Variants in KIF6 observed in about 807,000 individuals in gnomAD.
The protein encoded by KIF6 is kinesin-like protein KIF6.
Under a neutral mutation model 112.7 loss-of-function variants are expected in KIF6, and 106 were observed. That is an observed-to-expected ratio of 0.94 (90% CI 0.80 to 1.11). The LOEUF (loss-of-function observed/expected upper bound fraction) is 1.11, where lower values mean the gene tolerates loss of function less well. KIF6 is among the 50% of genes least tolerant of loss of function. The pLI, the probability that KIF6 is intolerant of heterozygous loss-of-function variation, is 0.00. For missense variants in KIF6, 929 were observed against 964.0 expected, an observed-to-expected ratio of 0.96 and a Z score of 0.48; for synonymous variants, 339 against 339.9, an observed-to-expected ratio of 1.00 and a Z score of 0.03.
intron 3 of KIF6, among the ~76,000 whole-genome samples, chr6:39,641,478 C>A (rs772792249): frequency 6.6e-5 from 10 of 151,746 alleles, no homozygotes; most frequent in Non-Finnish European, 1.0e-4. Context: ...GAACATCACA[C>A]ACCGGGGACT....
intron 13 of KIF6, among the ~76,000 whole-genome samples, chr6:39,464,787 A>G (rs1773690402): frequency 6.6e-6 from 1 of 152,196 alleles, no homozygotes; most frequent in South Asian, 2.1e-4. Flanking sequence ...CAACTTGTTG[A>G]CTTACTATAG....
intron 10 of KIF6, among the ~76,000 whole-genome samples, chr6:39,577,122 C>T (rs962771684): frequency 6.6e-6 from 1 of 152,124 alleles, no homozygotes; most frequent in East Asian, 1.9e-4. Flanking sequence ...GCAAGAAAAG[C>T]CTTAGGGGCC....
At chr6:39,429,650 C>T (rs1378872983) in intron 14 of KIF6, among the ~76,000 whole-genome samples, 1 of 152,218 alleles carries the variant, frequency 6.6e-6, no homozygotes, top group Non-Finnish European at 1.5e-5. Flanking sequence ...TGGCTCATGC[C>T]TGTAATCCCA....
At chr6:39,534,634 C>T (rs1408774254) in intron 13 of KIF6, among the ~76,000 whole-genome samples, 1 of 152,212 alleles carries the variant, frequency 6.6e-6, no homozygotes, top group Non-Finnish European at 1.5e-5. Context: ...TTGGAAAACA[C>T]TCTGCAGGAT....
At chr6:39,436,601 A>T (rs574217761) in intron 13 of KIF6, among the ~76,000 whole-genome samples, 2 of 152,106 alleles carry the variant, frequency 1.3e-5, no homozygotes, top group Admixed American at 1.3e-4. Context: ...CCAATTTTCC[A>T]AGTACCATTT....
At chr6:39,450,209 G>A (rs1053622383) in intron 13 of KIF6, among the ~76,000 whole-genome samples, 1 of 152,152 alleles carries the variant, frequency 6.6e-6, no homozygotes, top group Admixed American at 6.5e-5. Context: ...AGAATGCTAT[G>A]GGGTCATCCA....
At chr6:39,377,751 T>G (rs4714247) in intron 16 of KIF6, among the ~76,000 whole-genome samples, 2 of 151,926 alleles carry the variant, frequency 1.3e-5, no homozygotes, top group African/African-American at 4.8e-5. Flanking sequence ...CTCCAACCCG[T>G]AAGGCCCTTG....
intron 19 of KIF6, 26 bp from the exon 20 acceptor site, chr6:39,346,552 T>C (rs1446498313): frequency 1.4e-6 from 1 of 695,624 alleles, no homozygotes; most frequent in Non-Finnish European, 2.6e-6. Flanking sequence ...GTTTGTTGTT[T>C]GAGCCACTCA....
chr6:39,506,719 T>C (rs1173626303), intron 13 of KIF6, among the ~76,000 whole-genome samples: 1 of 152,170 alleles, frequency 6.6e-6, no homozygotes, highest in Admixed American at 6.5e-5. Flanking sequence ...GTATCTTTCA[T>C]TCTAATGAGG....
At position 39,540,196 on chromosome 6, in the gene KIF6, T is replaced by G. The variant is rs1347383741; in HGVS notation, c.1452A>C (p.Lys484Asn). 6.2e-7 allele frequency: 1 copy of G among 1,610,478 alleles called. No individual in the cohort carries two copies. The highest frequency in any genetic ancestry group is 1.7e-5 in the Admixed American group (1 of 59,216). The change falls in exon 13 of 23, where the codon AAA becomes AAC. Residue 484 changes from lysine to asparagine, a missense_variant. By Grantham distance (94) the Lys-to-Asn change is moderately conservative (BLOSUM62 0). Around this residue, in one of 2 missense-constraint regions of KIF6, gnomAD observed 688 missense variants for 662.7 expected, o/e 1.04. Coordinates refer to ENST00000287152, the MANE Select transcript of KIF6 (RefSeq NM_145027.6). The part of the protein sequence containing the change: ...EINILVNMLK[K>N]EKKKAQEALH... ...GAGCCTCCTGAGCTTTCTTCTTTTC[T>G]TTTTTTAACATGTTGACCAGGATAT...
intron 19 of KIF6, among the ~76,000 whole-genome samples, chr6:39,347,396 A>T (rs1230650649): frequency 6.6e-6 from 1 of 152,232 alleles, no homozygotes; most frequent in Non-Finnish European, 1.5e-5. Flanking sequence ...CTGCTCACCT[A>T]GGCTGCTGAC....
At chr6:39,716,386 T>C (rs2113884602) in intron 2 of KIF6, among the ~76,000 whole-genome samples, 1 of 152,324 alleles carries the variant, frequency 6.6e-6, no homozygotes, top group African/African-American at 2.4e-5. Flanking sequence ...TCTCCCTTTT[T>C]ATTGACTTTT....
chr6:39,519,286 A>C (rs1205090997), intron 13 of KIF6, among the ~76,000 whole-genome samples: 1 of 152,194 alleles, frequency 6.6e-6, no homozygotes, highest in Non-Finnish European at 1.5e-5. Flanking sequence ...CTTATTTCCA[A>C]AAATAACCAT....
intron 13 of KIF6, among the ~76,000 whole-genome samples, chr6:39,463,326 C>A (rs1167910877): frequency 6.6e-6 from 1 of 152,160 alleles, no homozygotes; most frequent in Non-Finnish European, 1.5e-5. Flanking sequence ...CTGCCTCCAG[C>A]CTCATCAATC....
chr6:39,366,805 ATGG>A (rs890730348), intron 16 of KIF6, among the ~76,000 whole-genome samples: 2 of 152,144 alleles, frequency 1.3e-5, no homozygotes, highest in African/African-American at 4.8e-5. Context: ...CTTGGGAGCC[ATGG>A]TAAGGACACT....
intron 13 of KIF6, among the ~76,000 whole-genome samples, chr6:39,487,049 CCA>C (rs1439602854): frequency 6.6e-6 from 1 of 152,034 alleles, no homozygotes; most frequent in Non-Finnish European, 1.5e-5. Context: ...ACAAATAATA[CCA>C]CAGTGTGTAT....
chr6:39,666,623 T>C lies in KIF6; in HGVS notation c.252-26866A>G, dbSNP rs146423548. On this transcript the variant is annotated intron_variant, in intron 3 of 22. Coordinates refer to ENST00000287152, the MANE Select transcript of KIF6 (RefSeq NM_145027.6). ...TGTAACACTGGAGAAAGCTCAATAT[T>C]AGCAAGTGTCTTTGGTCCAGAAAGT... 1.7e-3 allele frequency among the ~76,000 whole-genome samples: 266 copies of C among 152,290 alleles called. 2 individuals are homozygous for C. Among genetic ancestry groups the C allele is most frequent in the African/African-American group, 5.9e-3 (247 of 41,560 alleles).
At chr6:39,337,614 C>A (rs1451982865) in intron 22 of KIF6, among the ~76,000 whole-genome samples, 1 of 151,986 alleles carries the variant, frequency 6.6e-6, no homozygotes, top group African/African-American at 2.4e-5. Context: ...ACCTGGACAA[C>A]CCCATGGTTT....
chr6:39,680,636 A>G (rs1787458860), intron 3 of KIF6, among the ~76,000 whole-genome samples: 1 of 152,214 alleles, frequency 6.6e-6, no homozygotes, highest in South Asian at 2.1e-4. Context: ...GCAGTTTAAC[A>G]GGCAGTGAAA....
Sources: allele counts gnomAD v4.1 joint callset (sites outside exome capture counted in the v4.1 genomes callset), GRCh38; gene constraint gnomAD v4.1.1; regional missense constraint gnomAD v4.1.1; transcripts MANE v1.5; gene names NCBI Gene and HGNC (gene_info 2026-07-23, HGNC 2026-07-21).